LRRC17: variants seen among roughly 807,000 people sequenced by gnomAD.
LRRC17 encodes the protein leucine rich repeat containing 17.
LRRC17 carries 33 observed loss-of-function variants against 41.5 expected under a neutral mutation model. That is an observed-to-expected ratio of 0.80 (90% CI 0.60 to 1.06). The LOEUF (loss-of-function observed/expected upper bound fraction) is 1.06. Among genes scored for constraint, LRRC17 ranks in the 50% least tolerant of loss-of-function variants. The pLI, the probability that LRRC17 is intolerant of heterozygous loss-of-function variation, is 0.00. For missense variants in LRRC17, 491 were observed against 519.3 expected (o/e 0.95, Z 0.53); for synonymous variants, 192 against 197.0 (o/e 0.97, Z 0.21).
chr7:102,928,272 A>G (rs1485924542), intron 1 of LRRC17, among the ~76,000 whole-genome samples: 1 of 152,242 alleles, frequency 6.6e-6, no homozygotes, highest in Non-Finnish European at 1.5e-5. Context: ...TAGTACTTAA[A>G]AGAACTCAAG....
chr7:102,927,621 T>C (rs947681543), intron 1 of LRRC17, among the ~76,000 whole-genome samples: 7 of 152,176 alleles, frequency 4.6e-5, no homozygotes, highest in African/African-American at 1.7e-4. Context: ...AAGATTCTAT[T>C]TGAAGCTGTA....
intron 1 of LRRC17, among the ~76,000 whole-genome samples, chr7:102,931,237 T>G (rs1212490810): frequency 1.3e-5 from 2 of 152,220 alleles, no homozygotes; most frequent in Non-Finnish European, 2.9e-5. Flanking sequence ...CTGTAGGCAC[T>G]GCAAATTAGT....
At chr7:102,916,509 G>T (rs1022575869) in intron 1 of LRRC17, among the ~76,000 whole-genome samples, 1 of 152,182 alleles carries the variant, frequency 6.6e-6, no homozygotes, top group Non-Finnish European at 1.5e-5. Context: ...CAGGAATCTT[G>T]GGTGGCCCTG....
At position 102,944,256 on chromosome 7, in the gene LRRC17, C is replaced by T. The variant is rs773942585; in HGVS notation, c.975C>T (p.Asn325=). The change falls in exon 4 of 4, where the codon AAC becomes AAT. Residue 325 remains asparagine, a synonymous_variant. Coordinates refer to ENST00000339431, the MANE Select transcript of LRRC17 (RefSeq NM_001031692.3). ...LTHLEELDLS[N]NSLQNFDYGV... ...ATTTAGAAGAATTAGATTTATCAAA[C>T]AACAGTCTGCAAAACTTTGACTATG... 6.2e-7 allele frequency: 1 copy of T among 1,612,050 alleles called. No individual in the cohort carries two copies. The highest frequency in any genetic ancestry group is 8.5e-7 in the Non-Finnish European group (1 of 1,179,476).
At chr7:102,939,827 A>C (rs1821049538) in intron 3 of LRRC17, among the ~76,000 whole-genome samples, 1 of 152,212 alleles carries the variant, frequency 6.6e-6, no homozygotes. Flanking sequence ...CAGTTAGCCC[A>C]AATAGTGTGT....
intron 1 of LRRC17, among the ~76,000 whole-genome samples, chr7:102,932,315 C>T (rs1386723178): frequency 6.6e-6 from 1 of 152,136 alleles, no homozygotes; most frequent in African/African-American, 2.4e-5. Context: ...CAAACATACA[C>T]AAAAGTGGAA....
intron 1 of LRRC17, among the ~76,000 whole-genome samples, chr7:102,918,483 A>C (rs1271917503): frequency 6.6e-6 from 1 of 152,230 alleles, no homozygotes; most frequent in African/African-American, 2.4e-5. Context: ...TTGAAAATAA[A>C]TATGTTTTAA....
chr7:102,938,519 A>G (rs561238869), intron 2 of LRRC17, among the ~76,000 whole-genome samples: 84 of 152,296 alleles, frequency 5.5e-4, no homozygotes, highest in Non-Finnish European at 1.0e-3. Context: ...CTGGAGAAGG[A>G]GCAAGCTTGT....
chr7:102,944,316 G>A lies in LRRC17; in HGVS notation c.1035G>A (p.Leu345=). The change falls in exon 4 of 4, where the codon TTG becomes TTA. Residue 345 remains leucine (L), a synonymous_variant. Coordinates refer to ENST00000339431, the MANE Select transcript of LRRC17 (RefSeq NM_001031692.3). ...AAGACTTGTATTTTTTGAAACTCTTGTGGCTCAGAGATAACCCTTGGAGAT... is the reference window on the plus strand; with the variant it reads ...AAGACTTGTATTTTTTGAAACTCTTATGGCTCAGAGATAACCCTTGGAGAT... ...VLEDLYFLKL[L]WLRDNPWRCD... is the part of the protein sequence containing the mutation. 6.2e-7 allele frequency: 1 copy of A among 1,613,948 alleles called. No individual in the cohort carries two copies. The highest frequency in any genetic ancestry group is 8.5e-7 in the Non-Finnish European group (1 of 1,179,942).
At chr7:102,941,193 A>G (rs1386837465) in intron 3 of LRRC17, among the ~76,000 whole-genome samples, 1 of 152,134 alleles carries the variant, frequency 6.6e-6, no homozygotes, top group Non-Finnish European at 1.5e-5. Context: ...GTCAAAAGCA[A>G]TTTTCATTTT....
At chr7:102,920,592 C>G (rs1816782796) in intron 1 of LRRC17, among the ~76,000 whole-genome samples, 1 of 151,970 alleles carries the variant, frequency 6.6e-6, no homozygotes, top group Non-Finnish European at 1.5e-5. Flanking sequence ...CTCAAGTAGT[C>G]CGCCCACTTC....
chr7:102,924,890 A>G (rs1355154034), intron 1 of LRRC17, among the ~76,000 whole-genome samples: 1 of 151,850 alleles, frequency 6.6e-6, no homozygotes, highest in African/African-American at 2.4e-5. Flanking sequence ...CGGCCTCCCA[A>G]AGTGCTGGGA....
chr7:102,917,255 A>G (rs957298657), intron 1 of LRRC17, among the ~76,000 whole-genome samples: 2 of 152,232 alleles, frequency 1.3e-5, no homozygotes, highest in African/African-American at 4.8e-5. Context: ...TGGTGAGACT[A>G]TAGATCATGA....
At chr7:102,944,135 G>T in intron 3 of LRRC17, 75 bp from the exon 4 acceptor site, 2 of 1,154,264 alleles carry the variant, frequency 1.7e-6, no homozygotes, top group Non-Finnish European at 2.4e-6. Context: ...TTTAAAATTT[G>T]TATTTGTCCT....
intron 3 of LRRC17, among the ~76,000 whole-genome samples, chr7:102,943,754 A>C (rs1821923680): frequency 6.6e-6 from 1 of 152,212 alleles, no homozygotes; most frequent in Admixed American, 6.5e-5. Flanking sequence ...AAGATTTGAC[A>C]ACACCTTTTG....
At chr7:102,939,764 C>A (rs1365015116) in intron 3 of LRRC17, among the ~76,000 whole-genome samples, 179 bp downstream of exon 3, 1 of 152,112 alleles carries the variant, frequency 6.6e-6, no homozygotes, top group Non-Finnish European at 1.5e-5. Flanking sequence ...TAAATACTTG[C>A]CAAAATGCTG....
intron 2 of LRRC17, among the ~76,000 whole-genome samples, chr7:102,935,313 G>A (rs185162355): frequency 0.014 from 1,741 of 128,452 alleles, 22 homozygotes; most frequent in Middle Eastern, 0.02. Context: ...GTGCAGTGGC[G>A]CAATCTTGGC....
At chr7:102,941,542 T>C (rs979843657) in intron 3 of LRRC17, among the ~76,000 whole-genome samples, 7 of 152,124 alleles carry the variant, frequency 4.6e-5, no homozygotes, top group African/African-American at 1.7e-4. Flanking sequence ...TCTTTCTCCA[T>C]TGCAATTCCC....
chr7:102,923,804 G>A (rs1189080325), intron 1 of LRRC17, among the ~76,000 whole-genome samples: 1 of 151,616 alleles, frequency 6.6e-6, no homozygotes, highest in African/African-American at 2.4e-5. Context: ...CAGCCTGGGT[G>A]ACAGAGCAAG....
Sources: allele counts gnomAD v4.1 joint callset (sites outside exome capture counted in the v4.1 genomes callset), GRCh38; gene constraint gnomAD v4.1.1; transcripts MANE v1.5; gene names NCBI Gene and HGNC (gene_info 2026-07-23, HGNC 2026-07-21).